The following C2orf80 variants were observed in gnomAD, a reference collection of about 807,000 sequenced individuals.
C2orf80 encodes the protein chromosome 2 open reading frame 80.
A neutral mutation model predicts 30.2 loss-of-function variants in C2orf80; 28 were observed. The observed-to-expected ratio is 0.93, with a 90% CI of 0.69 to 1.27. C2orf80 has a LOEUF of 1.27. Among genes scored for constraint, C2orf80 ranks in the 50% most tolerant of loss-of-function variants. C2orf80 has a pLI of 0.00. For synonymous variants in C2orf80, 80 were observed against 76.4 expected (o/e 1.05, Z -0.24); for missense variants, 220 against 231.0 (o/e 0.95, Z 0.31).
chr2:208,167,917 C>G (rs185024610), intron 8 of C2orf80, among the ~76,000 whole-genome samples: 58 of 148,570 alleles, frequency 3.9e-4, no homozygotes, highest in Non-Finnish European at 5.8e-4. Context: ...TTCTCTTACT[C>G]TATGAAGAAA....
intron 2 of C2orf80, among the ~76,000 whole-genome samples, chr2:208,186,189 A>G (rs1696713455): frequency 6.6e-6 from 1 of 152,184 alleles, no homozygotes; most frequent in African/African-American, 2.4e-5. Flanking sequence ...ATACATGTAT[A>G]TATGTACATA....
intron 1 of C2orf80, among the ~76,000 whole-genome samples, chr2:208,188,217 T>C (rs1397072305): frequency 6.6e-6 from 1 of 152,092 alleles, no homozygotes. Flanking sequence ...TCTGGAATTC[T>C]AAGTCCATGG....
intron 2 of C2orf80, among the ~76,000 whole-genome samples, chr2:208,185,608 A>G (rs534108435): frequency 6.6e-6 from 1 of 152,314 alleles, no homozygotes; most frequent in Non-Finnish European, 1.5e-5. Context: ...ATGAGGAGAG[A>G]AGAGAGAAAG....
chr2:208,172,270 C>T (rs898134498), intron 6 of C2orf80, among the ~76,000 whole-genome samples, 195 bp from the exon 7 acceptor site: 2 of 152,186 alleles, frequency 1.3e-5, no homozygotes, highest in African/African-American at 4.8e-5. Context: ...GCACACATGG[C>T]CTTTTGTTCC....
intron 7 of C2orf80, 142 bp downstream of exon 7, chr2:208,171,846 T>G: frequency 2.6e-6 from 2 of 783,696 alleles, no homozygotes; most frequent in Non-Finnish European, 4.5e-6. Context: ...AATCAAGCCC[T>G]AAGAGCCCCT....
At chr2:208,176,973 A>ACG (rs1559340657) in intron 6 of C2orf80, among the ~76,000 whole-genome samples, 3 of 92,238 alleles carry the variant, frequency 3.3e-5, no homozygotes, top group African/African-American at 7.8e-5. Context: ...ATGTATACAT[A>ACG]TATACAGAAA....
chr2:208,171,733 G>GCCACTCCGT (rs71036986), intron 7 of C2orf80, among the ~76,000 whole-genome samples: 1 of 151,646 alleles, frequency 6.6e-6, no homozygotes, highest in Non-Finnish European at 1.5e-5. Context: ...ACCAGTGTGA[G>GCCACTCCGT]CCAGCCCACT....
chr2:208,175,031 G>T (rs1696238408), intron 6 of C2orf80, among the ~76,000 whole-genome samples: 2 of 152,144 alleles, frequency 1.3e-5, no homozygotes, highest in Non-Finnish European at 2.9e-5. Flanking sequence ...TGTAATCCCA[G>T]CTCTTTTGGA....
intron 8 of C2orf80, among the ~76,000 whole-genome samples, chr2:208,166,755 T>C (rs569930765): frequency 2.0e-5 from 3 of 152,128 alleles, no homozygotes; most frequent in African/African-American, 7.2e-5. Context: ...CCTGGGTTCA[T>C]GCCATTCTCC....
chr2:208,177,207 T>G (rs1176058206), intron 6 of C2orf80, among the ~76,000 whole-genome samples: 1 of 147,632 alleles, frequency 6.8e-6, no homozygotes, highest in Non-Finnish European at 1.5e-5. Context: ...TATATTATAA[T>G]ATATATAATC....
At chr2:208,171,850 A>G in intron 7 of C2orf80, 138 bp downstream of exon 7, 1 of 789,784 alleles carries the variant, frequency 1.3e-6, no homozygotes. Flanking sequence ...AAGCCCTAAG[A>G]GCCCCTGGTT....
intron 6 of C2orf80, among the ~76,000 whole-genome samples, chr2:208,176,929 A>AGG (rs1559340311): frequency 4.5e-5 from 3 of 66,412 alleles, no homozygotes; most frequent in African/African-American, 1.7e-4. Flanking sequence ...CTGTATACAT[A>AGG]TGTATACATA....
At chr2:208,175,215 G>C (rs1010499238) in intron 6 of C2orf80, among the ~76,000 whole-genome samples, 8 of 45,564 alleles carry the variant, frequency 1.8e-4, no homozygotes, top group Admixed American at 1.1e-3. Context: ...GAACCCCGGG[G>C]GGGGGGGGGG....
chr2:208,166,825 A>AT (rs1204799606), intron 8 of C2orf80, among the ~76,000 whole-genome samples: 3 of 151,772 alleles, frequency 2.0e-5, no homozygotes, highest in African/African-American at 7.3e-5. Flanking sequence ...AATTTTTTCT[A>AT]TTTTTTAGTA....
intron 6 of C2orf80, among the ~76,000 whole-genome samples, chr2:208,174,533 G>A (rs1459739383): frequency 4.6e-5 from 7 of 152,208 alleles, no homozygotes; most frequent in Admixed American, 4.6e-4. Flanking sequence ...TGCCACCATC[G>A]TGTGCTCGAT....
intron 4 of C2orf80, among the ~76,000 whole-genome samples, chr2:208,181,779 C>T (rs1250203224): frequency 1.3e-5 from 2 of 152,084 alleles, no homozygotes; most frequent in African/African-American, 4.8e-5. Flanking sequence ...AGCCAGGTAA[C>T]AGCCACTGAG....
chr2:208,174,541 G>A (rs1468984832), intron 6 of C2orf80, among the ~76,000 whole-genome samples: 2 of 152,208 alleles, frequency 1.3e-5, no homozygotes, highest in African/African-American at 4.8e-5. Flanking sequence ...TCGTGTGCTC[G>A]ATACGTGCAG....
chr2:208,168,890 C>A, intron 8 of C2orf80, among the ~76,000 whole-genome samples: 1 of 151,322 alleles, frequency 6.6e-6, no homozygotes, highest in Admixed American at 6.6e-5. Flanking sequence ...GTCCCCAGAA[C>A]TGAGCCTTTG....
At chr2:208,169,874 G>C (rs762343785) in intron 8 of C2orf80, among the ~76,000 whole-genome samples, 1 of 152,076 alleles carries the variant, frequency 6.6e-6, no homozygotes, top group African/African-American at 2.4e-5. Flanking sequence ...ACCCTGATAT[G>C]ACCAAAGAAT....
Sources: gnomAD v4.1 joint callset for allele counts (sites outside exome capture counted in the v4.1 genomes callset) on GRCh38, gnomAD v4.1.1 for gene constraint, MANE v1.5 for transcripts, NCBI Gene and HGNC (gene_info 2026-07-23, HGNC 2026-07-21) for gene names.